Variants in PDGFD observed in about 807,000 individuals in gnomAD.
PDGFD encodes platelet-derived growth factor D.
A neutral mutation model predicts 44.7 loss-of-function variants in PDGFD; 30 were observed. That is an observed-to-expected ratio of 0.67 (90% confidence interval 0.50 to 0.91). The LOEUF is 0.91. PDGFD is among the 40% of genes least tolerant of loss of function. The probability of loss-of-function intolerance (pLI) is 0.00; values close to 1 mark genes in which losing one functional copy is unlikely to be tolerated. For missense variants in PDGFD, 445 were observed against 457.8 expected (o/e 0.97, Z 0.25); for synonymous variants, 173 against 168.4 (o/e 1.03, Z -0.21).
At chr11:104,080,802 C>T (rs1861034378) in intron 1 of PDGFD, among the ~76,000 whole-genome samples, 2 of 152,192 alleles carry the variant, frequency 1.3e-5, no homozygotes, top group South Asian at 4.1e-4. Flanking sequence ...ATTGCAGTTT[C>T]CACCCTAGCC....
intron 1 of PDGFD, among the ~76,000 whole-genome samples, chr11:104,044,094 C>T (rs1860402913): frequency 6.6e-6 from 1 of 152,154 alleles, no homozygotes; most frequent in East Asian, 1.9e-4. Context: ...TTGTCACATA[C>T]TTTAATTCCA....
At chr11:103,970,920 T>C (rs760066389) in intron 3 of PDGFD, among the ~76,000 whole-genome samples, 7 of 152,116 alleles carry the variant, frequency 4.6e-5, no homozygotes, top group African/African-American at 1.4e-4. Flanking sequence ...GGAAAAGCCA[T>C]CCTGTAAGTT....
At chr11:104,059,011 G>A (rs1288030263) in intron 1 of PDGFD, among the ~76,000 whole-genome samples, 1 of 152,158 alleles carries the variant, frequency 6.6e-6, no homozygotes, top group African/African-American at 2.4e-5. Flanking sequence ...AAGCACCATG[G>A]GACATGGGCC....
chr11:103,937,943 C>A (rs1468804896), intron 5 of PDGFD, among the ~76,000 whole-genome samples: 1 of 151,586 alleles, frequency 6.6e-6, no homozygotes. Flanking sequence ...TTTCTTAATC[C>A]AGTCTATCGT....
intron 1 of PDGFD, chr11:104,038,165 A>T: frequency 2.7e-6 from 2 of 752,946 alleles, no homozygotes; most frequent in Admixed American, 5.9e-5. Flanking sequence ...ACTAACGTCA[A>T]TCCTGATTCC....
intron 1 of PDGFD, among the ~76,000 whole-genome samples, chr11:104,034,854 G>A (rs1233717636): frequency 6.6e-6 from 1 of 152,084 alleles, no homozygotes; most frequent in African/African-American, 2.4e-5. Context: ...ATGTTAGCCA[G>A]GATGGTCTCG....
intron 1 of PDGFD, among the ~76,000 whole-genome samples, chr11:104,152,943 C>T (rs1397196733): frequency 6.6e-6 from 1 of 152,062 alleles, no homozygotes; most frequent in Non-Finnish European, 1.5e-5. Flanking sequence ...ATTTTAAAAA[C>T]TTTATAATAT....
intron 1 of PDGFD, among the ~76,000 whole-genome samples, chr11:104,085,514 GCT>G (rs1861117077): frequency 6.6e-6 from 1 of 151,962 alleles, no homozygotes; most frequent in African/African-American, 2.4e-5. Context: ...ACTCCAAGTC[GCT>G]TCTGTTTAAA....
intron 3 of PDGFD, among the ~76,000 whole-genome samples, chr11:103,974,702 A>G (rs1467137823): frequency 3.3e-5 from 5 of 151,982 alleles, no homozygotes; most frequent in Admixed American, 2.6e-4. Flanking sequence ...CTGTTCTCCA[A>G]CTTATGAATG....
intron 1 of PDGFD, among the ~76,000 whole-genome samples, chr11:104,008,220 G>A (rs761445749): frequency 6.6e-6 from 1 of 152,138 alleles, no homozygotes; most frequent in Non-Finnish European, 1.5e-5. Flanking sequence ...AAAATGACAT[G>A]ACACCTCAAT....
intron 1 of PDGFD, among the ~76,000 whole-genome samples, chr11:104,032,451 A>C (rs907346307): frequency 6.6e-6 from 1 of 152,180 alleles, no homozygotes; most frequent in Non-Finnish European, 1.5e-5. Context: ...CACATACTTA[A>C]AGGAAGAAAT....
At chr11:104,142,880 C>A (rs1319407798) in intron 1 of PDGFD, among the ~76,000 whole-genome samples, 2 of 152,112 alleles carry the variant, frequency 1.3e-5, no homozygotes, top group Non-Finnish European at 2.9e-5. Context: ...GGTTTCAAAG[C>A]CGCCTGCATT....
rs1374433246 is a variant in PDGFD, at chr11:104,017,346, CCGTTTTTTT to C, written c.125-17100_125-17092del. Among the ~76,000 whole-genome samples, 44 of 149,466 alleles carry C rather than the reference CCGTTTTTTT, an allele frequency of 2.9e-4. 3 individuals are homozygous for C. On this transcript the variant is annotated intron_variant, in intron 1 of 6. Coordinates refer to ENST00000393158, the MANE Select transcript of PDGFD (RefSeq NM_025208.5). ...CTATTAACATTCCTTGGGTGTTTTT[CCGTTTTTTT>C]TGTTTTTTTTTAAATTATCCAGTAT...
intron 1 of PDGFD, among the ~76,000 whole-genome samples, chr11:104,027,909 G>C (rs1860067458): frequency 6.6e-6 from 1 of 152,112 alleles, no homozygotes; most frequent in Admixed American, 6.5e-5. Flanking sequence ...AAAAAGCATA[G>C]GCCGGGCGCG....
chr11:103,934,654 AG>A (rs1858459040), intron 5 of PDGFD, among the ~76,000 whole-genome samples: 1 of 152,182 alleles, frequency 6.6e-6, no homozygotes, highest in Non-Finnish European at 1.5e-5. Context: ...TGGTGGCAGG[AG>A]GGAGAGCATG....
At chr11:103,988,379 C>T (rs1591109198) in intron 3 of PDGFD, among the ~76,000 whole-genome samples, 3 of 151,568 alleles carry the variant, frequency 2.0e-5, no homozygotes, top group Middle Eastern at 3.4e-3. Context: ...ACACAGCATC[C>T]CTCTCAAGCT....
chr11:104,043,615 A>T (rs931225461), intron 1 of PDGFD, among the ~76,000 whole-genome samples: 2 of 152,088 alleles, frequency 1.3e-5, no homozygotes, highest in African/African-American at 4.8e-5. Context: ...TAAAGTAAAG[A>T]AGTTTATTTG....
At chr11:104,111,152 C>T (rs985129242) in intron 1 of PDGFD, among the ~76,000 whole-genome samples, 4 of 151,918 alleles carry the variant, frequency 2.6e-5, no homozygotes, top group African/African-American at 9.7e-5. Flanking sequence ...TAGTTTATTA[C>T]CTACGCTTAT....
At chr11:104,108,297 T>C (rs1027363294) in intron 1 of PDGFD, among the ~76,000 whole-genome samples, 1 of 151,906 alleles carries the variant, frequency 6.6e-6, no homozygotes, top group Non-Finnish European at 1.5e-5. Context: ...ATTTTTGCAA[T>C]CTACTCATCT....
Sources: gnomAD v4.1 joint callset for allele counts (sites outside exome capture counted in the v4.1 genomes callset) on GRCh38, gnomAD v4.1.1 for gene constraint, MANE v1.5 for transcripts, NCBI Gene and HGNC (gene_info 2026-07-23, HGNC 2026-07-21) for gene names.